The following THNSL1 variants were observed in gnomAD, a reference collection of about 807,000 sequenced individuals.
THNSL1 encodes the protein threonine synthase like 1, also known as threonine synthase-like 1.
THNSL1 carries 48 observed loss-of-function variants against 50.4 expected under a neutral mutation model. The observed-to-expected ratio is 0.95, with a 90% CI of 0.76 to 1.21. The LOEUF is 1.21. Ranked by LOEUF, THNSL1 falls within the 50% of genes most tolerant of loss-of-function variation. The probability of loss-of-function intolerance (pLI) is 0.00; values close to 1 mark genes in which losing one functional copy is unlikely to be tolerated. For synonymous variants in THNSL1, 309 were observed against 306.1 expected (o/e 1.01, Z -0.10); for missense variants, 896 against 871.7 (o/e 1.03, Z -0.35).
chr10:25,016,301 G>A, upstream of THNSL1: 1 of 435,168 alleles, frequency 2.3e-6, no homozygotes, highest in Non-Finnish European at 3.1e-6. Context: ...GCCTTTGAAA[G>A]TTAACGGGGT....
chr10:24,967,916 C>T, the THNSL1 span, among the ~76,000 whole-genome samples: 9 of 136,006 alleles, frequency 6.6e-5, no homozygotes, highest in African/African-American at 8.3e-5. Flanking sequence ...TATGTGTATA[C>T]GTGTGTATGA....
the THNSL1 span, among the ~76,000 whole-genome samples, chr10:24,987,355 C>T: frequency 6.6e-6 from 1 of 152,080 alleles, no homozygotes; most frequent in African/African-American, 2.4e-5. Flanking sequence ...CATAAATTCT[C>T]TTCAGTGGCC....
intron 2 of THNSL1, among the ~76,000 whole-genome samples, chr10:25,022,901 A>G (rs1346537897): frequency 1.3e-5 from 2 of 152,192 alleles, no homozygotes; most frequent in Non-Finnish European, 2.9e-5. Context: ...CACTTTGTGA[A>G]TACAAGTTTC....
Position 25,024,832 on chromosome 10 carries a change from A to C in THNSL1, c.1609A>C (p.Asn537His). The C allele has an allele frequency of 6.2e-7, 1 of 1,614,190 alleles. No homozygotes were observed. Among genetic ancestry groups the C allele is most frequent in the Non-Finnish European group, 8.5e-7 (1 of 1,180,036 alleles). ...IRKFICASNQNHVLTDFIKTG... is the reference protein window; with the variant it reads ...IRKFICASNQHHVLTDFIKTG... Reference sequence around the variant, plus strand: ...AAAATTTATCTGTGCCTCTAATCAGAACCATGTTTTGACTGATTTTATAAA... The same window carrying C: ...AAAATTTATCTGTGCCTCTAATCAGCACCATGTTTTGACTGATTTTATAAA... The change falls in exon 3 of 3, where the codon AAC (asparagine) becomes CAC (histidine). Residue 537 changes from asparagine (N) to histidine (H), a missense_variant. Physicochemically the swap from Asn to His is moderately conservative, Grantham distance 68. Coordinates refer to ENST00000376356, the MANE Select transcript of THNSL1 (RefSeq NM_024838.5).
At chr10:24,999,344 T>A in the THNSL1 span, 4 of 1,500,710 alleles carry the variant, frequency 2.7e-6, no homozygotes, top group Middle Eastern at 4.1e-4. Flanking sequence ...AATAAAATAA[T>A]AGTTAAATCA....
chr10:24,985,253 T>C, the THNSL1 span, among the ~76,000 whole-genome samples: 1 of 152,334 alleles, frequency 6.6e-6, no homozygotes, highest in East Asian at 1.9e-4. Context: ...CTTAGAATGA[T>C]ATCCTCGAGT....
chr10:24,972,517 A>AAT, the THNSL1 span, among the ~76,000 whole-genome samples: 35 of 148,984 alleles, frequency 2.3e-4, no homozygotes, highest in African/African-American at 7.7e-4. Context: ...CAAAAAAAAA[A>AAT]AAATAAATAA....
Position 25,025,114 on chromosome 10 carries a change from A to C in THNSL1, c.1891A>C (p.Thr631Pro). 1 of 1,614,192 alleles carries C rather than the reference A, an allele frequency of 6.2e-7. No homozygotes were observed. The highest frequency in any genetic ancestry group is 8.5e-7 in the Non-Finnish European group (1 of 1,180,028). The part of the protein sequence containing the change: ...EGECLAAINS[T>P]YNTSGYILDP... ...AGAGTGCCTAGCAGCTATTAACTCC[A>C]CCTATAATACTTCAGGGTATATTTT... The change falls in exon 3 of 3, where the codon ACC (threonine) becomes CCC (proline). Residue 631 changes from threonine to proline, a missense_variant. By Grantham distance (38) the Thr-to-Pro change is conservative. Transcript: ENST00000376356.
At chr10:24,976,932 A>G in the THNSL1 span, among the ~76,000 whole-genome samples, 1 of 152,226 alleles carries the variant, frequency 6.6e-6, no homozygotes, top group Non-Finnish European at 1.5e-5. Flanking sequence ...GAATTTACCA[A>G]TGAATCCAAA....
the THNSL1 span, among the ~76,000 whole-genome samples, chr10:24,963,201 G>A: frequency 6.6e-6 from 1 of 152,142 alleles, no homozygotes; most frequent in South Asian, 2.1e-4. Context: ...TTTTGCCAAA[G>A]CTTAAGCGAT....
the THNSL1 span, among the ~76,000 whole-genome samples, chr10:24,975,512 G>A: frequency 2.0e-5 from 3 of 152,192 alleles, no homozygotes; most frequent in African/African-American, 7.2e-5. Flanking sequence ...TGTTGAGGGA[G>A]AGACTGACGG....
At chr10:25,013,930 G>A (rs1850507494), upstream of THNSL1, among the ~76,000 whole-genome samples, 1 of 150,694 alleles carries the variant, frequency 6.6e-6, no homozygotes, top group African/African-American at 2.5e-5. Context: ...CAAAAAGAGT[G>A]AAACTCCGTC....
At chr10:24,967,995 ATGTGTGTGTGTG>A in the THNSL1 span, among the ~76,000 whole-genome samples, 9 of 139,768 alleles carry the variant, frequency 6.4e-5, no homozygotes, top group South Asian at 4.8e-4. Flanking sequence ...TATGTGTATG[ATGTGTGTGTGTG>A]TGTGTGTGTG....
the THNSL1 span, among the ~76,000 whole-genome samples, chr10:24,997,807 T>TTATATATATATATATATATATATA: frequency 1.0e-3 from 151 of 144,880 alleles, 2 homozygotes; most frequent in Middle Eastern, 3.6e-3. Context: ...CACAAAGGAT[T>TTATATATATATATATATATATATA]TATATATATA....
At chr10:24,999,700 A>G in the THNSL1 span, among the ~76,000 whole-genome samples, 884 of 152,322 alleles carry the variant, frequency 5.8e-3, 6 homozygotes, top group Middle Eastern at 0.02. Context: ...AGCCCTGTCC[A>G]TCAGACTTAG....
chr10:24,984,211 G>T, the THNSL1 span: 1 of 717,078 alleles, frequency 1.4e-6, no homozygotes, highest in Non-Finnish European at 2.2e-6. Context: ...ATTTCTCACT[G>T]GGAATAACTG....
chr10:24,975,195 A>G, the THNSL1 span, among the ~76,000 whole-genome samples: 4 of 152,198 alleles, frequency 2.6e-5, no homozygotes, highest in African/African-American at 9.6e-5. Context: ...CAATAAAGAT[A>G]AAAGAAACCT....
the THNSL1 span, among the ~76,000 whole-genome samples, chr10:24,970,103 G>A: frequency 6.6e-6 from 1 of 152,228 alleles, no homozygotes; most frequent in African/African-American, 2.4e-5. Context: ...ATCACGTGAA[G>A]AGGAGGAAAA....
chr10:24,972,120 A>T, the THNSL1 span, among the ~76,000 whole-genome samples: 4 of 151,482 alleles, frequency 2.6e-5, no homozygotes, highest in Admixed American at 2.0e-4. Context: ...TAAACCCAGG[A>T]GGTGGAGGTT....
Sources: allele counts gnomAD v4.1 joint callset (sites outside exome capture counted in the v4.1 genomes callset), GRCh38; gene constraint gnomAD v4.1.1; transcripts MANE v1.5; gene names NCBI Gene and HGNC (gene_info 2026-07-23, HGNC 2026-07-21).